The following PRUNE2 variants were observed in gnomAD, a reference collection of about 807,000 sequenced individuals.
PRUNE2 encodes prune homolog 2 with BCH domain.
A neutral mutation model predicts 252.0 loss-of-function variants in PRUNE2; 164 were observed. That is an observed-to-expected ratio of 0.65 (90% CI 0.57 to 0.74). The LOEUF (loss-of-function observed/expected upper bound fraction) is 0.74, where lower values mean the gene tolerates loss of function less well. PRUNE2 is among the 30% of genes least tolerant of loss of function. The probability of loss-of-function intolerance (pLI) is 0.00; values close to 1 mark genes in which losing one functional copy is unlikely to be tolerated. For synonymous variants in PRUNE2, 1,292 were observed against 1,350.2 expected, an observed-to-expected ratio of 0.96 and a Z score of 0.94; for missense variants, 3,495 against 3,711.0, an observed-to-expected ratio of 0.94 and a Z score of 1.51.
chr9:76,792,326 G>A (rs1401695257), intron 6 of PRUNE2, among the ~76,000 whole-genome samples: 1 of 152,170 alleles, frequency 6.6e-6, no homozygotes, highest in Non-Finnish European at 1.5e-5. Context: ...CACCATGATT[G>A]TGAGGCCTCC....
intron 4 of PRUNE2, among the ~76,000 whole-genome samples, chr9:76,829,803 T>C (rs1037120698): frequency 7.2e-5 from 11 of 152,020 alleles, no homozygotes; most frequent in Non-Finnish European, 1.6e-4. Flanking sequence ...GGTTCAAAAG[T>C]AAATCCTCTT....
At chr9:76,723,908 C>T (rs956815963) in intron 6 of PRUNE2, among the ~76,000 whole-genome samples, 1 of 150,572 alleles carries the variant, frequency 6.6e-6, no homozygotes. Flanking sequence ...TCTGGGTTCA[C>T]GCCCTTCTCC....
intron 9 of PRUNE2, among the ~76,000 whole-genome samples, chr9:76,682,113 G>C (rs2043509274): frequency 6.6e-6 from 1 of 152,080 alleles, no homozygotes; most frequent in Non-Finnish European, 1.5e-5. Context: ...TTAGGAGAGA[G>C]AAGAGATTTG....
chr9:76,640,362 AAACT>A (rs1214621687), intron 12 of PRUNE2, among the ~76,000 whole-genome samples: 7 of 152,212 alleles, frequency 4.6e-5, no homozygotes, highest in Non-Finnish European at 1.0e-4. Flanking sequence ...GAAGAGAGCA[AAACT>A]AACTAAAAAT....
intron 1 of PRUNE2, among the ~76,000 whole-genome samples, chr9:76,871,257 G>A (rs765056579): frequency 2.9e-4 from 44 of 152,132 alleles, no homozygotes; most frequent in Non-Finnish European, 4.4e-4. Context: ...GAACATATGC[G>A]GACTTTTTTC....
intron 2 of PRUNE2, among the ~76,000 whole-genome samples, chr9:76,852,447 G>A (rs927428912): frequency 5.3e-5 from 8 of 152,216 alleles, no homozygotes; most frequent in African/African-American, 9.7e-5. Context: ...TCTCTACCAC[G>A]TAACTTTGAG....
rs55702049 is a variant in PRUNE2 at position 76,897,390 on chromosome 9, CTTTTTTT to C, written c.36+8531_36+8537del. The stretch of plus-strand genomic sequence containing the variant: ...TGGCTATGCAACCTTAGGCAAACCT[CTTTTTTT>C]TTTTTTTTTTTTTTTTTTTTTTTTT... On this transcript the variant is annotated intron_variant, in intron 1 of 18. Transcript: ENST00000376718. Among the ~76,000 whole-genome samples, 109 of 56,300 alleles carry C rather than the reference CTTTTTTT, an allele frequency of 1.9e-3. 6 individuals carry two copies. Among genetic ancestry groups the C allele is most frequent in the South Asian group, 9.0e-3 (14 of 1,556 alleles). 36.9% of individuals were successfully genotyped at this position (56,300 alleles called of 152,430 possible).
rs745957267 is a variant in PRUNE2, at chr9:76,850,526, A to C, written c.281T>G (p.Leu94Arg). 6.2e-7 allele frequency: 1 copy of C among 1,614,066 alleles called. No homozygotes were observed. Among genetic ancestry groups the C allele is most frequent in the Non-Finnish European group, 8.5e-7 (1 of 1,179,950 alleles). The change falls in exon 3 of 19, where the codon CTG becomes CGG. Residue 94 changes from leucine to arginine, a missense_variant. Leu to Arg is a moderately radical substitution (Grantham distance 102). Transcript: ENST00000376718. ...SFHIFRDEIN[L>R]HQLNDEGKLS... ...CTTCCCTTCATCATTTAGCTGATGC[A>C]GGTTAATTTCATCCCGGAATATGTG...
At position 76,642,001 on chromosome 9, in the gene PRUNE2, T is replaced by TAAAAAAAAAAAAAAAAGAAAAAA; in HGVS notation, c.8728+2737_8728+2738insTTTTTTCTTTTTTTTTTTTTTTT. ...ATCTCCTATAATGAAATAAGAGAAG[T>TAAAAAAAAAAAAAAAAGAAAAAA]AAAAAAAAAAAAAAAAGAAAAGAAA... On this transcript the variant is annotated intron_variant, in intron 12 of 18. Transcript: ENST00000376718. The TAAAAAAAAAAAAAAAAGAAAAAA allele has an allele frequency of 1.2e-5, 12 of 1,010,452 alleles. No homozygotes were observed. The Admixed American group carries it at 1.4e-4, about 12-fold the overall frequency. 62.6% of individuals were successfully genotyped at this position (1,010,452 alleles called of 1,614,324 possible).
intron 11 of PRUNE2, among the ~76,000 whole-genome samples, chr9:76,648,650 GT>G (rs1845933759): frequency 6.6e-6 from 1 of 152,332 alleles, no homozygotes; most frequent in East Asian, 1.9e-4. Flanking sequence ...ATTGCTAGGG[GT>G]TGCGGGAAAG....
At chr9:76,769,843 C>T (rs1056226294) in intron 6 of PRUNE2, among the ~76,000 whole-genome samples, 12 of 152,106 alleles carry the variant, frequency 7.9e-5, no homozygotes, top group South Asian at 2.1e-4. Context: ...TTCAAAAAAG[C>T]GGTAGCAATT....
chr9:76,633,627 G>C (rs921732654), intron 15 of PRUNE2, among the ~76,000 whole-genome samples: 1 of 151,670 alleles, frequency 6.6e-6, no homozygotes, highest in Non-Finnish European at 1.5e-5. Flanking sequence ...TTACTTGTTT[G>C]CATGTTTCCT....
intron 1 of PRUNE2, among the ~76,000 whole-genome samples, chr9:76,898,776 T>C (rs2062995595): frequency 6.6e-6 from 1 of 152,194 alleles, no homozygotes; most frequent in Non-Finnish European, 1.5e-5. Flanking sequence ...GCAAGAAATA[T>C]CAAATGCATG....
intron 15 of PRUNE2, among the ~76,000 whole-genome samples, chr9:76,630,660 G>T (rs1262665060): frequency 6.6e-6 from 1 of 152,186 alleles, no homozygotes; most frequent in Non-Finnish European, 1.5e-5. Flanking sequence ...GAGTAGCTGG[G>T]ACTACAGGTG....
chr9:76,876,095 C>T (rs2061461847), intron 1 of PRUNE2, among the ~76,000 whole-genome samples: 1 of 152,134 alleles, frequency 6.6e-6, no homozygotes, highest in Admixed American at 6.6e-5. Flanking sequence ...TAGAGAAAAT[C>T]ATCTCTACAA....
chr9:76,805,605 A>G (rs1269034269), intron 6 of PRUNE2, among the ~76,000 whole-genome samples: 2 of 152,190 alleles, frequency 1.3e-5, no homozygotes, highest in African/African-American at 4.8e-5. Flanking sequence ...AAAACAAAAT[A>G]AAAAATAAAA....
At chr9:76,692,228 AC>A (rs2044835755) in intron 9 of PRUNE2, 1 of 707,388 alleles carries the variant, frequency 1.4e-6, no homozygotes, top group African/African-American at 1.8e-5. Flanking sequence ...AAGGATGATC[AC>A]CTGCCTCCCA....
intron 1 of PRUNE2, among the ~76,000 whole-genome samples, chr9:76,883,874 T>C (rs941581719): frequency 2.0e-5 from 3 of 152,200 alleles, no homozygotes; most frequent in African/African-American, 7.2e-5. Flanking sequence ...GTGACTTGCT[T>C]TGGCCAATGG....
At chr9:76,646,849 G>A (rs1229775314) in intron 11 of PRUNE2, among the ~76,000 whole-genome samples, 1 of 151,980 alleles carries the variant, frequency 6.6e-6, no homozygotes, top group Non-Finnish European at 1.5e-5. Context: ...TGAACGTAGG[G>A]TTGTTTTGTT....
Sources: gnomAD v4.1 joint callset for allele counts (sites outside exome capture counted in the v4.1 genomes callset) on GRCh38, gnomAD v4.1.1 for gene constraint, MANE v1.5 for transcripts, NCBI Gene and HGNC (gene_info 2026-07-23, HGNC 2026-07-21) for gene names.